Variants in DNAH6 observed in about 807,000 individuals in gnomAD.
DNAH6 encodes the protein dynein axonemal heavy chain 6.
In DNAH6, 340 loss-of-function variants were observed where a neutral mutation model predicts 491.4. The observed-to-expected ratio is 0.69, with a 90% CI of 0.63 to 0.76. DNAH6 has a LOEUF of 0.76. Ranked by LOEUF, DNAH6 falls within the 30% of genes least tolerant of loss-of-function variation. The probability of loss-of-function intolerance (pLI) is 0.00; values close to 1 mark genes in which losing one functional copy is unlikely to be tolerated. For synonymous variants in DNAH6, 1,603 were observed against 1,686.1 expected (o/e 0.95, Z 1.21); for missense variants, 4,443 against 4,972.2 (o/e 0.89, Z 3.20).
At position 84,686,566 on chromosome 2, in the gene DNAH6, G is replaced by C. The variant is rs778818751; in HGVS notation, c.7137+9G>C. On this transcript the variant is annotated intron_variant, in intron 44 of 76. Transcript: ENST00000389394. ...TTGGAGATTTCATTAAGGCAAGTAT[G>C]TTAGATTGACTTGACCTCATTTGAA... 8.4e-6 allele frequency: 12 copies of C among 1,433,690 alleles called. 1 individual carries two copies. The South Asian group carries it at 1.5e-4, about 19-fold the overall frequency. The allele number at this position is 1,433,690 out of a possible 1,614,324, so 88.8% of individuals were successfully genotyped here. A position where few individuals can be genotyped will look rare whatever the true frequency, so the allele number is the denominator to read the frequency against.
chr2:84,733,147 AGT>A (rs1699253607), intron 61 of DNAH6, among the ~76,000 whole-genome samples: 1 of 152,218 alleles, frequency 6.6e-6, no homozygotes, highest in Non-Finnish European at 1.5e-5. Context: ...ATATTTGGCA[AGT>A]GGGGAAAGAT....
intron 41 of DNAH6, among the ~76,000 whole-genome samples, chr2:84,680,637 AG>A (rs914765170): frequency 5.3e-5 from 8 of 151,730 alleles, no homozygotes; most frequent in African/African-American, 1.9e-4. Flanking sequence ...GAGCAATGGA[AG>A]GGAGGGGTGA....
At chr2:84,497,263 GC>G in the DNAH6 span, among the ~76,000 whole-genome samples, 2 of 152,000 alleles carry the variant, frequency 1.3e-5, no homozygotes, top group South Asian at 2.1e-4. Flanking sequence ...GGGTCACCAC[GC>G]CCAGTCACAA....
At chr2:84,641,395 T>C (rs1286959008) in intron 32 of DNAH6, among the ~76,000 whole-genome samples, 1 of 152,158 alleles carries the variant, frequency 6.6e-6, no homozygotes, top group Non-Finnish European at 1.5e-5. Context: ...CTAGGAATAC[T>C]AAGAACTTGA....
chr2:84,608,494 C>T (rs904531374), intron 21 of DNAH6, among the ~76,000 whole-genome samples: 1 of 152,200 alleles, frequency 6.6e-6, no homozygotes, highest in Non-Finnish European at 1.5e-5. Flanking sequence ...CAACATTAAA[C>T]TCCTTGTACA....
At chr2:84,576,391 G>C (rs1682450803) in intron 12 of DNAH6, among the ~76,000 whole-genome samples, 1 of 152,086 alleles carries the variant, frequency 6.6e-6, no homozygotes, top group African/African-American at 2.4e-5. Context: ...TTATAATTAG[G>C]AGAGGAGATG....
chr2:84,699,543 T>C (rs1695694249), intron 47 of DNAH6, 51 bp from the exon 48 acceptor site: 2 of 1,481,266 alleles, frequency 1.4e-6, no homozygotes, highest in Admixed American at 2.1e-5. Flanking sequence ...CTTATTTTCA[T>C]TGTTGCTTAA....
intron 15 of DNAH6, among the ~76,000 whole-genome samples, chr2:84,588,308 A>G (rs1410496399): frequency 6.6e-6 from 1 of 152,232 alleles, no homozygotes; most frequent in Non-Finnish European, 1.5e-5. Flanking sequence ...TCCCAAACCT[A>G]GTTAAGTGCT....
At chr2:84,650,375 CTAT>C (rs1356613497) in intron 33 of DNAH6, among the ~76,000 whole-genome samples, 1 of 152,080 alleles carries the variant, frequency 6.6e-6, no homozygotes, top group Non-Finnish European at 1.5e-5. Context: ...TGGGTAACTT[CTAT>C]TATTCTATCT....
the DNAH6 span, among the ~76,000 whole-genome samples, chr2:84,475,178 C>T: frequency 6.6e-6 from 1 of 152,198 alleles, no homozygotes; most frequent in Non-Finnish European, 1.5e-5. Flanking sequence ...TAAGGGTCCC[C>T]TAACTCCCAT....
the DNAH6 span, among the ~76,000 whole-genome samples, chr2:84,480,988 G>C: frequency 6.6e-6 from 1 of 151,534 alleles, no homozygotes; most frequent in South Asian, 2.1e-4. Flanking sequence ...AAAAAAAGTC[G>C]TGAGGGCTTA....
rs1694519390 is a variant in DNAH6 at position 84,688,543 on chromosome 2, CA to C, written c.7245del (p.Glu2416LysfsTer2). On this transcript the variant is annotated frameshift_variant, in exon 45 of 77. Coordinates refer to ENST00000389394, the MANE Select transcript of DNAH6 (RefSeq NM_001370.2). LOFTEE classifies it high-confidence loss of function. ...YLDDYNLTNP[K>X]EVKLVFFQDA... is the part of the protein sequence containing the mutation. ...TTGATGATTATAATCTCACAAATCC[CA>C]AAGAAGTAAAGTTGGTGTTCTTCCA... 1 of 1,544,680 alleles carries C rather than the reference CA, an allele frequency of 6.5e-7. No individual in the cohort carries two copies.
At chr2:84,708,075 C>G (rs955560009) in intron 54 of DNAH6, among the ~76,000 whole-genome samples, 4 of 152,046 alleles carry the variant, frequency 2.6e-5, no homozygotes, top group Admixed American at 6.6e-5. Flanking sequence ...TGCAAGAGGG[C>G]CAGTCAAAAG....
chr2:84,709,254 T>C (rs1696811350), intron 54 of DNAH6, 89 bp from the exon 55 acceptor site: 2 of 1,344,818 alleles, frequency 1.5e-6, no homozygotes, highest in African/African-American at 2.9e-5. Context: ...CTTCAGCCAC[T>C]GACTTACCAC....
In DNAH6 at chr2:84,781,656, A is replaced by G. The variant is rs1019453921; in HGVS notation, c.10864+3A>G. ...CATTAAAACCTTCACAGATCCAGGT[A>G]TGTTGAGCATATAGCCCTTGCATAA... On this transcript the variant is annotated splice_donor_region_variant and intron_variant, in intron 65 of 76. Transcript: ENST00000389394. The G allele has an allele frequency of 5.2e-6, 8 of 1,550,622 alleles. No individual in the cohort carries two copies. The highest frequency in any genetic ancestry group is 7.0e-6 in the Non-Finnish European group (8 of 1,146,190).
intron 33 of DNAH6, among the ~76,000 whole-genome samples, chr2:84,643,141 G>A (rs115977967): frequency 0.035 from 5,305 of 152,126 alleles, 140 homozygotes; most frequent in Non-Finnish European, 0.052. Context: ...TAATTTCACA[G>A]GGTACAGAAT....
At chr2:84,740,731 T>A (rs935473293) in intron 62 of DNAH6, among the ~76,000 whole-genome samples, 1 of 152,152 alleles carries the variant, frequency 6.6e-6, no homozygotes, top group Non-Finnish European at 1.5e-5. Context: ...TTATGACCCA[T>A]GCAGACCAGT....
intron 75 of DNAH6, among the ~76,000 whole-genome samples, chr2:84,815,202 T>A (rs1680368648): frequency 6.6e-6 from 1 of 152,220 alleles, no homozygotes; most frequent in African/African-American, 2.4e-5. Context: ...AAAGACCAGC[T>A]AAAAAGAATT....
At chr2:84,809,896 TC>T (rs1325626066) in intron 72 of DNAH6, among the ~76,000 whole-genome samples, 3 of 151,958 alleles carry the variant, frequency 2.0e-5, no homozygotes, top group Non-Finnish European at 4.4e-5. Flanking sequence ...TCTTCTTATA[TC>T]CCATTAGCCA....
Sources: allele counts gnomAD v4.1 joint callset (sites outside exome capture counted in the v4.1 genomes callset), GRCh38; gene constraint gnomAD v4.1.1; transcripts MANE v1.5; gene names NCBI Gene and HGNC (gene_info 2026-07-23, HGNC 2026-07-21).